Variants in PALM2AKAP2 observed in about 807,000 individuals in gnomAD.
PALM2AKAP2 encodes the protein PALM2-AKAP2 fusion protein.
Under a neutral mutation model 71.5 loss-of-function variants are expected in PALM2AKAP2, and 37 were observed. The observed-to-expected ratio is 0.52, with a 90% CI of 0.40 to 0.68. The LOEUF (loss-of-function observed/expected upper bound fraction) is 0.68, where lower values mean the gene tolerates loss of function less well. Among genes scored for constraint, PALM2AKAP2 ranks in the 30% least tolerant of loss-of-function variants. The pLI, the probability that PALM2AKAP2 is intolerant of heterozygous loss-of-function variation, is 0.00. For missense variants in PALM2AKAP2, 1,224 were observed against 1,191.8 expected, an observed-to-expected ratio of 1.03 and a Z score of -0.40; for synonymous variants, 468 against 478.8, an observed-to-expected ratio of 0.98 and a Z score of 0.29.
intron 1 of PALM2AKAP2, among the ~76,000 whole-genome samples, chr9:110,106,633 A>C (rs1835127656): frequency 6.6e-6 from 1 of 152,128 alleles, no homozygotes; most frequent in Admixed American, 6.6e-5. Flanking sequence ...AGGTACCTTG[A>C]GAGGACCCAT....
rs201634193 is a variant in PALM2AKAP2 at position 109,948,333 on chromosome 9, TA to T, written c.496+16307del. Among the ~76,000 whole-genome samples, 952 of 152,326 alleles carry T rather than the reference TA, an allele frequency of 6.2e-3. 9 individuals are homozygous for T. The highest frequency in any genetic ancestry group is 0.022 in the African/African-American group (907 of 41,580). ...CAGCTTCCCCAGCATAATTTTTATA[TA>T]ACTCAAGTAAGCCTCTGCTTCCCCT... On this transcript the variant is annotated intron_variant, in intron 6 of 9. Transcript: ENST00000302798.
intron 1 of PALM2AKAP2, among the ~76,000 whole-genome samples, chr9:109,843,332 A>T (rs1010312444): frequency 1.3e-5 from 2 of 149,398 alleles, no homozygotes; most frequent in Non-Finnish European, 3.0e-5. Flanking sequence ...AAAGAAGAAG[A>T]CTTTTTGAAT....
intron 3 of PALM2AKAP2, among the ~76,000 whole-genome samples, chr9:109,900,014 T>C (rs897304405): frequency 6.6e-6 from 1 of 152,218 alleles, no homozygotes; most frequent in African/African-American, 2.4e-5. Flanking sequence ...CTTAGTACAC[T>C]GCCAGGCTCA....
intron 1 of PALM2AKAP2, among the ~76,000 whole-genome samples, chr9:109,654,363 T>C (rs927058376): frequency 1.3e-5 from 2 of 152,200 alleles, no homozygotes; most frequent in African/African-American, 4.8e-5. Flanking sequence ...TGTTAGTAAG[T>C]TGTGTTTTCA....
intron 1 of PALM2AKAP2, among the ~76,000 whole-genome samples, chr9:110,049,501 C>T (rs1286224292): frequency 6.6e-6 from 1 of 152,120 alleles, no homozygotes; most frequent in Non-Finnish European, 1.5e-5. Context: ...GAACGCGGTC[C>T]GGGTCCGAGC....
chr9:109,672,364 C>A (rs535027372), intron 1 of PALM2AKAP2, among the ~76,000 whole-genome samples: 1 of 151,838 alleles, frequency 6.6e-6, no homozygotes, highest in Non-Finnish European at 1.5e-5. Flanking sequence ...GATAATAATG[C>A]GGTTTTTGTC....
chr9:110,043,809 C>T (rs1389039413), upstream of PALM2AKAP2, among the ~76,000 whole-genome samples: 1 of 143,480 alleles, frequency 7.0e-6, no homozygotes, highest in Non-Finnish European at 1.5e-5. Flanking sequence ...TAGCCTTGAC[C>T]TCCTGGGTCC....
At chr9:110,003,380 C>T (rs1832718318) in intron 6 of PALM2AKAP2, among the ~76,000 whole-genome samples, 1 of 152,160 alleles carries the variant, frequency 6.6e-6, no homozygotes, top group Middle Eastern at 3.2e-3. Flanking sequence ...AGTTTGATTG[C>T]ACTGTGGTCT....
intron 1 of PALM2AKAP2, among the ~76,000 whole-genome samples, chr9:109,759,872 A>G (rs1326993529): frequency 6.6e-6 from 1 of 152,212 alleles, no homozygotes; most frequent in Non-Finnish European, 1.5e-5. Context: ...GTCCCAAGGC[A>G]AAGTATTCTT....
At chr9:109,911,244 C>A (rs953111880) in intron 3 of PALM2AKAP2, among the ~76,000 whole-genome samples, 2 of 152,192 alleles carry the variant, frequency 1.3e-5, no homozygotes, top group African/African-American at 4.8e-5. Flanking sequence ...ATGAAATAAT[C>A]TCACTTTCCT....
chr9:110,040,607 T>C (rs1340255357), intron 7 of PALM2AKAP2, among the ~76,000 whole-genome samples: 1 of 152,236 alleles, frequency 6.6e-6, no homozygotes, highest in Non-Finnish European at 1.5e-5. Flanking sequence ...TAACAGCCTG[T>C]GCTTAAAAGT....
chr9:110,036,285 G>A (rs1313261905), intron 7 of PALM2AKAP2, among the ~76,000 whole-genome samples: 2 of 152,094 alleles, frequency 1.3e-5, no homozygotes, highest in African/African-American at 4.8e-5. Context: ...GATCAAGTGG[G>A]AGTTTTTTTG....
At chr9:110,068,914 A>G (rs76521932) in intron 1 of PALM2AKAP2, among the ~76,000 whole-genome samples, 2,028 of 152,316 alleles carry the variant, frequency 0.013, 37 homozygotes, top group African/African-American at 0.047. Flanking sequence ...TTAGCCCTTG[A>G]TTGGGAGAAT....
chr9:109,640,811 GAGCAGCGCCGGTGAGCCCCGC>G (rs951531943), exon 1 of PALM2AKAP2: 1 of 1,506,908 alleles, frequency 6.6e-7, no homozygotes, highest in Non-Finnish European at 8.8e-7. Flanking sequence ...CGGGAGAGGC[GAGCAGCGCCGGTGAGCCCCGC>G]AGCAGCGCAC....
At chr9:110,084,720 CTTTG>C (rs199775396) in intron 1 of PALM2AKAP2, among the ~76,000 whole-genome samples, 1,533 of 152,132 alleles carry the variant, frequency 0.01, 22 homozygotes, top group African/African-American at 0.035. Context: ...TGCTACCATA[CTTTG>C]TTTGTTTGTT....
chr9:110,021,784 G>C (rs1306601564), intron 7 of PALM2AKAP2, among the ~76,000 whole-genome samples: 1 of 149,902 alleles, frequency 6.7e-6, no homozygotes, highest in African/African-American at 2.4e-5. Flanking sequence ...TTCTTGAAAT[G>C]CCTGACCCTG....
chr9:109,711,785 G>T (rs1034184549), intron 1 of PALM2AKAP2, among the ~76,000 whole-genome samples: 5 of 152,238 alleles, frequency 3.3e-5, no homozygotes, highest in Admixed American at 3.3e-4. Context: ...GGGGTACTCT[G>T]AACACATTTC....
chr9:109,717,422 T>C (rs1007092600), intron 1 of PALM2AKAP2, among the ~76,000 whole-genome samples: 11 of 152,144 alleles, frequency 7.2e-5, no homozygotes, highest in African/African-American at 2.4e-4. Flanking sequence ...GAGGAACAGC[T>C]CCCAAATCAT....
intron 1 of PALM2AKAP2, among the ~76,000 whole-genome samples, chr9:110,096,928 T>TTTTATTTA (rs149932603): frequency 0.021 from 3,181 of 148,388 alleles, 43 homozygotes; most frequent in African/African-American, 0.025. Context: ...AGAATTTTCT[T>TTTTATTTA]TTTATTTATT....
Sources: allele counts gnomAD v4.1 joint callset (sites outside exome capture counted in the v4.1 genomes callset), GRCh38; gene constraint gnomAD v4.1.1; transcripts MANE v1.5; gene names NCBI Gene and HGNC (gene_info 2026-07-23, HGNC 2026-07-21).